DPYD: variants seen among roughly 807,000 people sequenced by gnomAD.
DPYD encodes dihydropyrimidine dehydrogenase, also known as dihydropyrimidine dehydrogenase [NADP(+)].
In DPYD, 109 loss-of-function variants were observed where a neutral mutation model predicts 116.2. That is an observed-to-expected ratio of 0.94 (90% confidence interval 0.80 to 1.10). DPYD has a LOEUF of 1.10. Among genes scored for constraint, DPYD ranks in the 50% least tolerant of loss-of-function variants. DPYD has a pLI of 0.00. For missense variants in DPYD, 1,302 were observed against 1,254.5 expected, an observed-to-expected ratio of 1.04 and a Z score of -0.57; for synonymous variants, 440 against 432.0, an observed-to-expected ratio of 1.02 and a Z score of -0.23.
chr1:97,167,037 T>G (rs940468730), intron 20 of DPYD, among the ~76,000 whole-genome samples: 13 of 152,306 alleles, frequency 8.5e-5, no homozygotes, highest in Admixed American at 8.5e-4. Context: ...ATTTTTTTTA[T>G]AGCCAAAGTT....
chr1:97,899,398 T>C (rs1419392160), intron 1 of DPYD, among the ~76,000 whole-genome samples: 1 of 151,894 alleles, frequency 6.6e-6, no homozygotes, highest in Non-Finnish European at 1.5e-5. Flanking sequence ...ACTGAAAGCT[T>C]GTGGGTGACT....
intron 14 of DPYD, among the ~76,000 whole-genome samples, chr1:97,424,324 C>A (rs556017730): frequency 6.6e-6 from 1 of 152,038 alleles, no homozygotes; most frequent in Non-Finnish European, 1.5e-5. Context: ...CATAATGCTG[C>A]AGGATGGAAA....
intron 20 of DPYD, among the ~76,000 whole-genome samples, chr1:97,151,623 C>T (rs533771375): frequency 4.0e-5 from 6 of 151,480 alleles, no homozygotes; most frequent in East Asian, 3.9e-4. Flanking sequence ...TGCAGTGAGC[C>T]GAGATTGTGC....
intron 18 of DPYD, among the ~76,000 whole-genome samples, chr1:97,281,377 A>G (rs1665313386): frequency 6.6e-6 from 1 of 151,918 alleles, no homozygotes. Context: ...TCCTACCAAA[A>G]GGATAAAACA....
chr1:97,566,544 A>C (rs1051621343), intron 11 of DPYD, among the ~76,000 whole-genome samples: 1 of 152,200 alleles, frequency 6.6e-6, no homozygotes, highest in Non-Finnish European at 1.5e-5. Flanking sequence ...TTTTGCCATT[A>C]GTCAAAAAGG....
At chr1:97,308,349 T>G (rs1466452932) in intron 16 of DPYD, 2 of 151,816 alleles carry the variant, frequency 1.3e-5, no homozygotes, top group Non-Finnish European at 2.9e-5. Flanking sequence ...ATGAGTAAAG[T>G]TGACGGTGTT....
intron 18 of DPYD, among the ~76,000 whole-genome samples, chr1:97,242,124 G>A (rs2018605): frequency 0.54 from 19,241 of 35,578 alleles, 5,766 homozygotes; most frequent in East Asian, 0.9. Context: ...GTGTGCGTGT[G>A]TATATATATA....
At chr1:97,115,837 T>A (rs57590759) in intron 20 of DPYD, among the ~76,000 whole-genome samples, 101 of 152,284 alleles carry the variant, frequency 6.6e-4, no homozygotes, top group African/African-American at 2.4e-3. Flanking sequence ...GGAAATATGA[T>A]AAGTAGACCT....
At chr1:97,369,343 A>T (rs1046980535) in intron 16 of DPYD, among the ~76,000 whole-genome samples, 3 of 152,172 alleles carry the variant, frequency 2.0e-5, no homozygotes, top group Admixed American at 1.3e-4. Context: ...GTAGTTTCAT[A>T]TATTTAGAGA....
intron 18 of DPYD, among the ~76,000 whole-genome samples, chr1:97,247,341 C>A (rs1264438598): frequency 1.3e-5 from 2 of 152,120 alleles, no homozygotes; most frequent in Non-Finnish European, 2.9e-5. Flanking sequence ...CCTAAAGGAA[C>A]TGTAATACTA....
At chr1:97,143,069 T>C (rs552131244) in intron 20 of DPYD, among the ~76,000 whole-genome samples, 139 of 152,132 alleles carry the variant, frequency 9.1e-4, no homozygotes, top group Non-Finnish European at 1.5e-4. Context: ...TGTCCACAAA[T>C]GCATGCTTTT....
chr1:97,607,115 A>G (rs1234574848), intron 8 of DPYD, among the ~76,000 whole-genome samples: 2 of 151,944 alleles, frequency 1.3e-5, no homozygotes, highest in African/African-American at 2.4e-5. Flanking sequence ...CTCTTCTCCT[A>G]TTACAGTAAC....
intron 8 of DPYD, among the ~76,000 whole-genome samples, chr1:97,642,310 C>T (rs1571113532): frequency 6.6e-6 from 1 of 152,144 alleles, no homozygotes; most frequent in South Asian, 2.1e-4. Flanking sequence ...AAGAACAAAG[C>T]TGGAGGCATC....
chr1:97,264,729 C>T (rs1664120542), intron 18 of DPYD, among the ~76,000 whole-genome samples: 1 of 152,088 alleles, frequency 6.6e-6, no homozygotes, highest in Non-Finnish European at 1.5e-5. Flanking sequence ...TGGATCAAAA[C>T]AGCACAATTC....
At chr1:97,915,050 A>G (rs1337607962) in intron 1 of DPYD, among the ~76,000 whole-genome samples, 1 of 152,196 alleles carries the variant, frequency 6.6e-6, no homozygotes, top group Non-Finnish European at 1.5e-5. Flanking sequence ...CCAATTAAAA[A>G]AGCATATATT....
intron 3 of DPYD, among the ~76,000 whole-genome samples, chr1:97,765,477 C>T (rs1447467264): frequency 1.3e-5 from 2 of 152,182 alleles, no homozygotes; most frequent in Non-Finnish European, 2.9e-5. Context: ...GGACAGTCAA[C>T]ACAGAGAATC....
At chr1:97,509,089 T>C (rs760377229) in intron 13 of DPYD, among the ~76,000 whole-genome samples, 3 of 151,902 alleles carry the variant, frequency 2.0e-5, no homozygotes, top group Non-Finnish European at 4.4e-5. Flanking sequence ...TGATTGCAAA[T>C]CCATGAGTGA....
At chr1:97,667,164 C>A (rs1278240573) in intron 8 of DPYD, among the ~76,000 whole-genome samples, 2 of 152,098 alleles carry the variant, frequency 1.3e-5, no homozygotes, top group Admixed American at 6.6e-5. Flanking sequence ...CATTTATAGA[C>A]AAATTTTGTA....
chr1:97,795,768 T>C (rs936605978), intron 3 of DPYD, among the ~76,000 whole-genome samples: 1 of 151,982 alleles, frequency 6.6e-6, no homozygotes, highest in Non-Finnish European at 1.5e-5. Flanking sequence ...ATAAAAAATA[T>C]GACTCATTCT....
Sources: gnomAD v4.1 joint callset for allele counts (sites outside exome capture counted in the v4.1 genomes callset) on GRCh38, gnomAD v4.1.1 for gene constraint, MANE v1.5 for transcripts, NCBI Gene and HGNC (gene_info 2026-07-23, HGNC 2026-07-21) for gene names.